KCNQ1: variants seen among roughly 807,000 people sequenced by gnomAD.
The protein encoded by KCNQ1 is potassium voltage-gated channel subfamily Q member 1, also known as potassium voltage-gated channel subfamily KQT member 1.
Under a neutral mutation model 72.4 loss-of-function variants are expected in KCNQ1, and 49 were observed. The observed-to-expected ratio is 0.68, with a 90% CI of 0.54 to 0.86. The LOEUF (loss-of-function observed/expected upper bound fraction) is 0.86, where lower values mean the gene tolerates loss of function less well. KCNQ1 is among the 40% of genes least tolerant of loss of function. The pLI is 0.00. For synonymous variants in KCNQ1, 450 were observed against 412.6 expected (o/e 1.09, Z -1.10); for missense variants, 790 against 945.1 (o/e 0.84, Z 2.15).
rs775514634 is a variant in KCNQ1, at chr11:2,564,230, C to T, written c.478-6398C>T. Among the ~76,000 whole-genome samples, 1 of 152,202 alleles carries T rather than the reference C, an allele frequency of 6.6e-6. No individual in the cohort carries two copies. The highest frequency in any genetic ancestry group is 1.5e-5 in the Non-Finnish European group (1 of 68,036). ...CTCCGGTTCCAGAGCTTTTTCATCA[C>T]CTCAAAAGGAAAACCATCCCCATTG... On this transcript the variant is annotated intron_variant, in intron 2 of 15. Transcript: ENST00000155840. This position sits in a 1 kb window ranked among gnomAD's most constrained non-coding sequence, Gnocchi z 4.5.
At chr11:2,798,267 C>T (rs919758362) in intron 15 of KCNQ1, among the ~76,000 whole-genome samples, 6 of 152,280 alleles carry the variant, frequency 3.9e-5, no homozygotes, top group African/African-American at 1.4e-4. Context: ...CCCTCCTGGT[C>T]ACCTTTCGGC....
intron 15 of KCNQ1, among the ~76,000 whole-genome samples, chr11:2,836,109 A>G (rs1382039983): frequency 6.6e-6 from 1 of 152,170 alleles, no homozygotes; most frequent in Non-Finnish European, 1.5e-5. Flanking sequence ...AGCAGAAGGT[A>G]AAGATGAGAC....
chr11:2,483,252 G>C lies in KCNQ1; in HGVS notation c.386+37768G>C, dbSNP rs370100347. 6.6e-6 allele frequency among the ~76,000 whole-genome samples: 1 copy of C among 152,166 alleles called. No homozygotes were observed. Among genetic ancestry groups the C allele is most frequent in the Non-Finnish European group, 1.5e-5 (1 of 68,028 alleles). ...TAAGATCCTGAGAGCAATGCGGGGG[G>C]TGTGAGTGATGAGGGACAACATCAG... On this transcript the variant is annotated intron_variant, in intron 1 of 15. Coordinates refer to ENST00000155840, the MANE Select transcript of KCNQ1 (RefSeq NM_000218.3). The surrounding 1 kb of genome is among the most constrained non-coding windows in gnomAD (Gnocchi z 6.1).
rs968968417 is a variant in KCNQ1, at chr11:2,711,556, C to T, written c.1514+49475C>T. ...TGTCGCCTGCCCAGAACGGGGCTCTCGGAGGCCAGGGTGACTCCACTATCC... is the reference window on the plus strand; with the variant it reads ...TGTCGCCTGCCCAGAACGGGGCTCTTGGAGGCCAGGGTGACTCCACTATCC... On this transcript the variant is annotated intron_variant, in intron 11 of 15. Transcript: ENST00000155840. This position sits in a 1 kb window ranked among gnomAD's most constrained non-coding sequence, Gnocchi z 5.4. Among the ~76,000 whole-genome samples, 4 of 152,114 alleles carry T rather than the reference C, an allele frequency of 2.6e-5. No homozygotes were observed. The highest frequency in any genetic ancestry group is 4.8e-5 in the African/African-American group (2 of 41,410).
Position 2,659,084 on chromosome 11 carries a change from C to T in KCNQ1, c.1394-2877C>T, listed in dbSNP as rs946515734. On this transcript the variant is annotated intron_variant, in intron 10 of 15. Coordinates refer to ENST00000155840, the MANE Select transcript of KCNQ1 (RefSeq NM_000218.3). This position sits in a 1 kb window ranked among gnomAD's most constrained non-coding sequence, Gnocchi z 4.3. ...ACGCTCATCATAGTCTGCTTTTCAT[C>T]GTAGGGTCCTCCAACATCCGGGTTA... The T allele has an allele frequency of 2.5e-6, 1 of 398,604 alleles. No homozygotes were observed. The highest frequency in any genetic ancestry group is 4.4e-6 in the Non-Finnish European group (1 of 226,036). 24.7% of individuals were successfully genotyped at this position (398,604 alleles called of 1,614,324 possible). A position where few individuals can be genotyped will look rare whatever the true frequency, so the allele number is the denominator to read the frequency against.
chr11:2,494,605 CAT>C lies in KCNQ1; in HGVS notation c.387-33322_387-33321del, dbSNP rs1846881383. ...CTTTTTCTGCATCTATTGAGATAAT[CAT>C]GTGGTTTTTGTCATTGGTTCTGTTT... On this transcript the variant is annotated intron_variant, in intron 1 of 15. Transcript: ENST00000155840. This position sits in a 1 kb window ranked among gnomAD's most constrained non-coding sequence, Gnocchi z 4.6. 6.6e-6 allele frequency among the ~76,000 whole-genome samples: 1 copy of C among 152,118 alleles called. No individual in the cohort carries two copies. Among genetic ancestry groups the C allele is most frequent in the African/African-American group, 2.4e-5 (1 of 41,400 alleles).
chr11:2,778,359 G>A (rs770566307), intron 15 of KCNQ1, among the ~76,000 whole-genome samples: 4 of 152,338 alleles, frequency 2.6e-5, no homozygotes, highest in East Asian at 1.9e-4. Context: ...TGTGCTCTGC[G>A]AGCCTCCTGG....
chr11:2,747,086 T>C (rs990022171), intron 11 of KCNQ1, among the ~76,000 whole-genome samples: 1 of 152,186 alleles, frequency 6.6e-6, no homozygotes, highest in Non-Finnish European at 1.5e-5. Flanking sequence ...GCCTCTCTCA[T>C]TGGGCACATC....
intron 11 of KCNQ1, among the ~76,000 whole-genome samples, chr11:2,729,809 A>G (rs1023201589): frequency 6.6e-6 from 1 of 152,062 alleles, no homozygotes; most frequent in Non-Finnish European, 1.5e-5. Context: ...GCACTTTAGT[A>G]TTTATCTACA....
intron 1 of KCNQ1, among the ~76,000 whole-genome samples, chr11:2,511,808 G>C (rs1847209817): frequency 1.3e-5 from 2 of 152,202 alleles, no homozygotes; most frequent in South Asian, 4.1e-4. Flanking sequence ...CCATGCAGGA[G>C]CCCAGGGGAG....
At chr11:2,571,700 G>T (rs930195767) in intron 4 of KCNQ1, among the ~76,000 whole-genome samples, 2 of 152,132 alleles carry the variant, frequency 1.3e-5, no homozygotes, top group Non-Finnish European at 2.9e-5. Flanking sequence ...CACACAGCCT[G>T]CCCATCTGCA....
rs752945455 is a variant in KCNQ1, at chr11:2,528,052, T to C, written c.477+34T>C. The C allele has an allele frequency of 2.9e-5, 45 of 1,554,728 alleles. No individual in the cohort carries two copies. In the East Asian group the frequency reaches 7.8e-4, roughly 27 times the overall value. ...CATCTGAGGGCATGGCTGGATGTCA[T>C]GGCTGCCTTGGAAGCTGGCATCTCC... is the stretch of plus-strand genomic sequence containing the variant. On this transcript the variant is annotated intron_variant, in intron 2 of 15. Transcript: ENST00000155840.
At chr11:2,505,777 T>C (rs1344495928) in intron 1 of KCNQ1, among the ~76,000 whole-genome samples, 1 of 152,254 alleles carries the variant, frequency 6.6e-6, no homozygotes, top group African/African-American at 2.4e-5. Context: ...TTTTGGCTGA[T>C]GTTAGTGTAG....
chr11:2,559,399 C>T lies in KCNQ1; in HGVS notation c.478-11229C>T, dbSNP rs977153105. On this transcript the variant is annotated intron_variant, in intron 2 of 15. Coordinates refer to ENST00000155840, the MANE Select transcript of KCNQ1 (RefSeq NM_000218.3). This position sits in a 1 kb window ranked among gnomAD's most constrained non-coding sequence, Gnocchi z 4.9. ...ACCCCGGGATGTGCCCTTGTGGCTACTTAGACGTAGAGCCCGGGGCAGGGG... is the reference window on the plus strand; with the variant it reads ...ACCCCGGGATGTGCCCTTGTGGCTATTTAGACGTAGAGCCCGGGGCAGGGG... Among the ~76,000 whole-genome samples the T allele has an allele frequency of 6.6e-6, 1 of 152,202 alleles. No individual in the cohort carries two copies. Among genetic ancestry groups the T allele is most frequent in the African/African-American group, 2.4e-5 (1 of 41,448 alleles).
intron 10 of KCNQ1, chr11:2,609,421 G>A (rs571299777): frequency 7.5e-6 from 3 of 398,296 alleles, no homozygotes; most frequent in South Asian, 2.5e-4. Context: ...ATTTATGCAG[G>A]TTTGTTTCGT....
rs1352967627 is a variant in KCNQ1, at chr11:2,598,619, A to AAAAAAAG, written c.1393+9767_1393+9768insAAAAGAA. 1.3e-5 allele frequency among the ~76,000 whole-genome samples: 2 copies of AAAAAAAG among 152,102 alleles called. No individual in the cohort carries two copies. The highest frequency in any genetic ancestry group is 4.8e-5 in the African/African-American group (2 of 41,398). Reference sequence around the variant, plus strand: ...TGCTCTGCCCTTAGTTAAAAAAAAAAAACCCTAATACATCTGCCAAATTCT... The same window carrying AAAAAAAG: ...TGCTCTGCCCTTAGTTAAAAAAAAAAAAAAAAGAACCCTAATACATCTGCCAAATTCT... On this transcript the variant is annotated intron_variant, in intron 10 of 15. Transcript: ENST00000155840. This position sits in a 1 kb window ranked among gnomAD's most constrained non-coding sequence, Gnocchi z 6.2.
chr11:2,555,034 A>AGTGG (rs1158159361), intron 2 of KCNQ1, among the ~76,000 whole-genome samples: 4 of 152,216 alleles, frequency 2.6e-5, no homozygotes, highest in Non-Finnish European at 5.9e-5. Flanking sequence ...TCCACAGGGC[A>AGTGG]GCCTTTAATA....
intron 15 of KCNQ1, among the ~76,000 whole-genome samples, chr11:2,800,243 T>G (rs1743304200): frequency 6.6e-6 from 1 of 152,186 alleles, no homozygotes; most frequent in African/African-American, 2.4e-5. Context: ...TCCATCCCAG[T>G]GGCCTGAGGG....
At chr11:2,589,077 G>A (rs1243654621) in intron 10 of KCNQ1, among the ~76,000 whole-genome samples, 1 of 152,202 alleles carries the variant, frequency 6.6e-6, no homozygotes, top group Non-Finnish European at 1.5e-5. Context: ...GTTGCGAGAG[G>A]AAGCCTGGGC....
Sources: gnomAD v4.1 joint callset for allele counts (sites outside exome capture counted in the v4.1 genomes callset) on GRCh38, gnomAD v4.1.1 for gene constraint, Gnocchi (gnomAD v3.1) non-coding constraint, MANE v1.5 for transcripts, NCBI Gene and HGNC (gene_info 2026-07-23, HGNC 2026-07-21) for gene names.